LYN: variants seen among roughly 807,000 people sequenced by gnomAD.
The protein encoded by LYN is LYN proto-oncogene, Src family tyrosine kinase, also known as tyrosine-protein kinase Lyn.
In LYN, 12 loss-of-function variants were observed where a neutral mutation model predicts 65.0. The ratio of observed to expected loss-of-function variants is 0.18; its 90% CI spans 0.12 to 0.30. The LOEUF is 0.30. Ranked by LOEUF, LYN falls within the 10% of genes least tolerant of loss-of-function variation. The probability of loss-of-function intolerance (pLI) is 1.00; values close to 1 mark genes in which losing one functional copy is unlikely to be tolerated. For synonymous variants in LYN, 222 were observed against 221.2 expected (o/e 1.00, Z -0.03); for missense variants, 380 against 623.2 (o/e 0.61, Z 4.16).
intron 9 of LYN, among the ~76,000 whole-genome samples, chr8:55,968,287 A>G (rs1807517021): frequency 2.0e-5 from 3 of 151,910 alleles, no homozygotes; most frequent in Admixed American, 1.3e-4. Flanking sequence ...ACAGAGTCTC[A>G]CTCTATCACC....
At chr8:55,926,296 ATT>A (rs1306181935) in intron 1 of LYN, among the ~76,000 whole-genome samples, 3 of 152,144 alleles carry the variant, frequency 2.0e-5, no homozygotes, top group African/African-American at 7.2e-5. Flanking sequence ...TGTTTACTTA[ATT>A]GAGTTACTGA....
At chr8:55,997,621 G>C (rs1260261899) in intron 10 of LYN, among the ~76,000 whole-genome samples, 1 of 152,090 alleles carries the variant, frequency 6.6e-6, no homozygotes, top group Admixed American at 6.6e-5. Flanking sequence ...CTATTGCCTC[G>C]GGGTTCAGGA....
intron 12 of LYN, among the ~76,000 whole-genome samples, chr8:56,000,998 G>A (rs1563329977): frequency 6.6e-6 from 1 of 152,154 alleles, no homozygotes; most frequent in Non-Finnish European, 1.5e-5. Context: ...CCTGTAGGGT[G>A]GTGAGAGTAG....
At chr8:55,939,565 T>C (rs1033660879) in intron 1 of LYN, among the ~76,000 whole-genome samples, 10 of 150,668 alleles carry the variant, frequency 6.6e-5, no homozygotes, top group Admixed American at 6.6e-4. Context: ...TGTGCCCTGG[T>C]TGTGGCACAG....
intron 2 of LYN, 82 bp from the exon 3 acceptor site, chr8:55,946,366 T>A: frequency 1.1e-6 from 1 of 896,264 alleles, no homozygotes; most frequent in Non-Finnish European, 1.8e-6. Flanking sequence ...TCTGCTACTG[T>A]TACAAAAATC....
intron 11 of LYN, among the ~76,000 whole-genome samples, 194 bp downstream of exon 11, chr8:55,998,693 A>T (rs1229002703): frequency 6.6e-6 from 1 of 152,214 alleles, no homozygotes; most frequent in African/African-American, 2.4e-5. Flanking sequence ...TTAACTCCAC[A>T]TGATACTTTT....
rs1806817209 is a variant in LYN at position 55,947,600 on chromosome 8, T to C, written c.179-18T>C. 2 of 1,559,312 alleles carry C rather than the reference T, an allele frequency of 1.3e-6. No homozygotes were observed. The highest frequency in any genetic ancestry group is 2.7e-5 in the African/African-American group (2 of 73,896). Reference sequence around the variant, plus strand: ...TGCTGATGGATTCTTACAGGTGTTCTCTTGTGTTCATCTTTAGATCCAGAG... The same window carrying C: ...TGCTGATGGATTCTTACAGGTGTTCCCTTGTGTTCATCTTTAGATCCAGAG... On this transcript the variant is annotated intron_variant, in intron 3 of 12. Transcript: ENST00000519728.
At chr8:55,943,960 G>A (rs1379731553) in intron 2 of LYN, among the ~76,000 whole-genome samples, 1 of 152,074 alleles carries the variant, frequency 6.6e-6, no homozygotes, top group Non-Finnish European at 1.5e-5. Context: ...GCACATGCCT[G>A]TAATCCCAGC....
intron 1 of LYN, among the ~76,000 whole-genome samples, chr8:55,905,088 A>G (rs948321928): frequency 5.3e-5 from 8 of 152,126 alleles, no homozygotes; most frequent in Non-Finnish European, 1.0e-4. Context: ...AGATTCAGCT[A>G]TGTGGGAATC....
At chr8:55,929,486 A>G (rs1363442037) in intron 1 of LYN, among the ~76,000 whole-genome samples, 1 of 152,216 alleles carries the variant, frequency 6.6e-6, no homozygotes, top group African/African-American at 2.4e-5. Context: ...ATAACAGGAT[A>G]TTAAACTTAA....
intron 1 of LYN, among the ~76,000 whole-genome samples, chr8:55,935,451 T>C (rs1268092845): frequency 6.6e-6 from 1 of 152,184 alleles, no homozygotes; most frequent in African/African-American, 2.4e-5. Context: ...ACGGTCTGGC[T>C]AGGTCCTTTT....
chr8:55,956,238 G>A (rs1336379232), intron 8 of LYN, among the ~76,000 whole-genome samples: 1 of 152,088 alleles, frequency 6.6e-6, no homozygotes, highest in Non-Finnish European at 1.5e-5. Flanking sequence ...TTCACCAGTT[G>A]TTAATATTGT....
chr8:56,001,592 G>T (rs1808514387), intron 12 of LYN, among the ~76,000 whole-genome samples: 1 of 152,156 alleles, frequency 6.6e-6, no homozygotes, highest in African/African-American at 2.4e-5. Context: ...TCATCTTCCA[G>T]CTGCTCTAGA....
intron 10 of LYN, among the ~76,000 whole-genome samples, chr8:55,989,317 A>T (rs148252653): frequency 1.3e-5 from 2 of 152,242 alleles, no homozygotes; most frequent in African/African-American, 4.8e-5. Flanking sequence ...TTTGTAAAAC[A>T]TAATTGAGAT....
At position 55,946,431 on chromosome 8, in the gene LYN, C is replaced by A. The variant is rs1806779773; in HGVS notation, c.133-17C>A. On this transcript the variant is annotated splice_polypyrimidine_tract_variant and intron_variant, in intron 2 of 12. Coordinates refer to ENST00000519728, the MANE Select transcript of LYN (RefSeq NM_002350.4). ...AGCTAAACAGAATTTTTTTTTCTAA[C>A]AAATATTCTCTCGTAGGTTCCAGAA... 6.3e-7 allele frequency: 1 copy of A among 1,583,872 alleles called. No homozygotes were observed. Among genetic ancestry groups the A allele is most frequent in the Non-Finnish European group, 8.7e-7 (1 of 1,155,562 alleles).
intron 10 of LYN, among the ~76,000 whole-genome samples, chr8:55,997,015 G>T (rs189472226): frequency 6.6e-6 from 1 of 151,936 alleles, no homozygotes; most frequent in Non-Finnish European, 1.5e-5. Flanking sequence ...ACAAAAATTC[G>T]CCAGGCATGG....
intron 10 of LYN, among the ~76,000 whole-genome samples, chr8:55,981,905 A>G (rs967651682): frequency 1.3e-5 from 2 of 152,258 alleles, no homozygotes; most frequent in African/African-American, 4.8e-5. Flanking sequence ...ATGAGAAATT[A>G]TAAATGAAGT....
At chr8:55,973,410 C>A (rs190807691) in intron 10 of LYN, among the ~76,000 whole-genome samples, 37 of 152,282 alleles carry the variant, frequency 2.4e-4, no homozygotes, top group Admixed American at 2.2e-3. Flanking sequence ...TTAAATTAAG[C>A]AATTTAGTGC....
intron 4 of LYN, among the ~76,000 whole-genome samples, chr8:55,950,074 T>G (rs1205739352): frequency 1.3e-5 from 2 of 152,248 alleles, no homozygotes; most frequent in Non-Finnish European, 2.9e-5. Flanking sequence ...GTTTTCAAAG[T>G]TCATCCCTGT....
Sources: allele counts gnomAD v4.1 joint callset (sites outside exome capture counted in the v4.1 genomes callset), GRCh38; gene constraint gnomAD v4.1.1; transcripts MANE v1.5; gene names NCBI Gene and HGNC (gene_info 2026-07-23, HGNC 2026-07-21).